WNT10B: variants seen among roughly 807,000 people sequenced by gnomAD.
The protein encoded by WNT10B is Wnt family member 10B.
A neutral mutation model predicts 32.7 loss-of-function variants in WNT10B; 26 were observed. The ratio of observed to expected loss-of-function variants is 0.79; its 90% CI spans 0.58 to 1.10. The LOEUF is 1.10. Ranked by LOEUF, WNT10B falls within the 50% of genes least tolerant of loss-of-function variation. The pLI is 0.00. For missense variants in WNT10B, 474 were observed against 532.5 expected, an observed-to-expected ratio of 0.89 and a Z score of 1.08; for synonymous variants, 204 against 220.4, an observed-to-expected ratio of 0.93 and a Z score of 0.66.
At chr12:48,967,389 C>T (rs1219435670) in intron 4 of WNT10B, among the ~76,000 whole-genome samples, 1 of 152,104 alleles carries the variant, frequency 6.6e-6, no homozygotes, top group African/African-American at 2.4e-5. Context: ...TGGTCTCGAT[C>T]TCCTCACCTC....
chr12:48,965,874 G>C lies in WNT10B; in HGVS notation c.*221C>G. 1 of 599,302 alleles carries C rather than the reference G, an allele frequency of 1.7e-6. No homozygotes were observed. The highest frequency in any genetic ancestry group is 2.8e-5 in the East Asian group (1 of 35,558). 37.1% of individuals were successfully genotyped at this position (599,302 alleles called of 1,614,324 possible). On this transcript the variant is annotated 3_prime_UTR_variant, in exon 5 of 5. Coordinates refer to ENST00000301061, the MANE Select transcript of WNT10B (RefSeq NM_003394.4). ...AGTCCATTCAGGTGTCTAAGGAGCA[G>C]AAGAGGGGTGGCAGCTTCCCCTCAA...
rs1940722099 is a variant in WNT10B, at chr12:48,965,923, G to A, written c.*172C>T. ...AAGACCCTCCAATTGTTGGGGAGAA[G>A]GCTACACATCCCAGAGTCCACCTGA... On this transcript the variant is annotated 3_prime_UTR_variant, in exon 5 of 5. Transcript: ENST00000301061. The A allele has an allele frequency of 1.4e-6, 1 of 732,514 alleles. No homozygotes were observed. The highest frequency in any genetic ancestry group is 2.5e-5 in the Admixed American group (1 of 40,466). 45.4% of individuals were successfully genotyped at this position (732,514 alleles called of 1,614,324 possible). A position where few individuals can be genotyped will look rare whatever the true frequency, so the allele number is the denominator to read the frequency against.
Position 48,970,643 on chromosome 12 carries a change from C to G in WNT10B, c.-40-74G>C. ...TGGGGAACCAAGTGACGCCCTTCTT[C>G]GGGCTCCTAACCCACCGGTGCCACC... On this transcript the variant is annotated intron_variant, in intron 1 of 4. Transcript: ENST00000301061. The surrounding 1 kb of genome is among the most constrained non-coding windows in gnomAD (Gnocchi z 5.0). 8.0e-7 allele frequency: 1 copy of G among 1,257,720 alleles called. No homozygotes were observed. Among genetic ancestry groups the G allele is most frequent in the Non-Finnish European group, 1.1e-6 (1 of 888,422 alleles). The allele number at this position is 1,257,720 out of a possible 1,614,324, so 77.9% of individuals were successfully genotyped here. A position where few individuals can be genotyped will look rare whatever the true frequency, so the allele number is the denominator to read the frequency against.
chr12:48,968,736 G>A (rs1176601528), intron 3 of WNT10B, among the ~76,000 whole-genome samples: 1 of 151,984 alleles, frequency 6.6e-6, no homozygotes, highest in Non-Finnish European at 1.5e-5. Flanking sequence ...CAACCCTGCA[G>A]GGAGCTTGGG....
At chr12:48,968,423 A>G in intron 3 of WNT10B, 104 bp from the exon 4 acceptor site, 2 of 1,528,170 alleles carry the variant, frequency 1.3e-6, no homozygotes, top group Admixed American at 1.9e-5. Context: ...AGAAATTCCT[A>G]ACTGAATCCT....
Position 48,966,214 on chromosome 12 carries a change from G to A in WNT10B, c.1051C>T (p.Arg351Cys), listed in dbSNP as rs1425744968. 6.2e-6 allele frequency: 10 copies of A among 1,613,876 alleles called. No individual in the cohort carries two copies. The highest frequency in any genetic ancestry group is 3.3e-5 in the South Asian group (3 of 91,082). Residue 351 changes from arginine to cysteine, a missense_variant, in exon 5 of 5, where the codon CGT (arginine) becomes TGT (cysteine). Physicochemically the swap from Arg to Cys is radical, Grantham distance 180 (BLOSUM62 -3). Coordinates refer to ENST00000301061, the MANE Select transcript of WNT10B (RefSeq NM_003394.4). The stretch of plus-strand genomic sequence containing the variant: ...GTCTGCCGGAGCACGTTGTGCCCAC[G>A]GCCACAGCACAGGCTGCCACAGCCA... Reference protein sequence around the residue: ...LDGCGSLCCGRGHNVLRQTRV... With the variant: ...LDGCGSLCCGCGHNVLRQTRV...
intron 3 of WNT10B, chr12:48,968,986 GGA>G (rs1940795775): frequency 4.5e-6 from 2 of 445,076 alleles, no homozygotes; most frequent in Non-Finnish European, 9.3e-6. Context: ...ACTGAGAGGA[GGA>G]GAGAGGTTGG....
rs1037380551 is a variant in WNT10B at position 48,970,501 on chromosome 12, G to T, written c.29C>A (p.Pro10Gln). 1 of 1,602,366 alleles carries T rather than the reference G, an allele frequency of 6.2e-7. No individual in the cohort carries two copies. The highest frequency in any genetic ancestry group is 2.2e-5 in the East Asian group (1 of 44,482). ...CAGGAGACCCGCGAGGCCCGAGGGC[G>T]GAGGCCGCGGCCGGGGCTCCTCCAG... MLEEPRPRP[P>Q]PSGLAGLLFL... The change falls in exon 2 of 5, where the codon CCG becomes CAG. Residue 10 changes from proline to glutamine, a missense_variant. Transcript: ENST00000301061. The surrounding 1 kb of genome is among the most constrained non-coding windows in gnomAD (Gnocchi z 5.0).
chr12:48,970,594 G>A lies in WNT10B; in HGVS notation c.-40-25C>T. 2.0e-6 allele frequency: 3 copies of A among 1,538,256 alleles called. No homozygotes were observed. Among genetic ancestry groups the A allele is most frequent in the Non-Finnish European group, 2.6e-6 (3 of 1,135,872 alleles). Reference sequence around the variant, plus strand: ...CCTGCGGGACGGGAGACTTGATGCGGGTTCAGGAATAGGGCGGCTCGCTTG... The same window carrying A: ...CCTGCGGGACGGGAGACTTGATGCGAGTTCAGGAATAGGGCGGCTCGCTTG... On this transcript the variant is annotated intron_variant, in intron 1 of 4. Transcript: ENST00000301061. The surrounding 1 kb of genome is among the most constrained non-coding windows in gnomAD (Gnocchi z 5.0).
chr12:48,965,972 T>C lies in WNT10B; in HGVS notation c.*123A>G, dbSNP rs1940722977. The C allele has an allele frequency of 8.2e-7, 1 of 1,222,972 alleles. No individual in the cohort carries two copies. Among genetic ancestry groups the C allele is most frequent in the African/African-American group, 1.5e-5 (1 of 67,116 alleles). 75.8% of individuals were successfully genotyped at this position (1,222,972 alleles called of 1,614,324 possible). On this transcript the variant is annotated 3_prime_UTR_variant, in exon 5 of 5. Coordinates refer to ENST00000301061, the MANE Select transcript of WNT10B (RefSeq NM_003394.4). ...GACCCCCACCACCCCTAAAGCTGTT[T>C]CCAGGTAGATACTTTAAGCTTCCAG...
intron 3 of WNT10B, 112 bp downstream of exon 3, chr12:48,969,977 G>T: frequency 7.8e-7 from 1 of 1,285,572 alleles, no homozygotes; most frequent in Middle Eastern, 2.9e-4. Flanking sequence ...GGGAATTCCA[G>T]GAGAGGCCCC....
At position 48,966,456 on chromosome 12, in the gene WNT10B, G is replaced by A. The variant is rs1940736159; in HGVS notation, c.809C>T (p.Ala270Val). 1 of 1,614,068 alleles carries A rather than the reference G, an allele frequency of 6.2e-7. No individual in the cohort carries two copies. Among genetic ancestry groups the A allele is most frequent in the Non-Finnish European group, 8.5e-7 (1 of 1,180,038 alleles). ...TCWRAAPEFRAVGAALRERLG... is the reference protein window; with the variant it reads ...TCWRAAPEFRVVGAALRERLG... ...CCGCTCCCTCAACGCCGCCCCCACTGCCCGGAACTCTGGGGCCGCCCTCCA... is the reference window on the plus strand; with the variant it reads ...CCGCTCCCTCAACGCCGCCCCCACTACCCGGAACTCTGGGGCCGCCCTCCA... The change falls in exon 5 of 5, where the codon GCA becomes GTA. Residue 270 changes from alanine (A) to valine (V), a missense_variant. Transcript: ENST00000301061.
In WNT10B at chr12:48,966,238, C is replaced by T. The variant is rs781051571; in HGVS notation, c.1027G>A (p.Gly343Ser). ...ACNKTSRLLD[G>S]CGSLCCGRGH... ...CGGCCACAGCACAGGCTGCCACAGCCATCCAACAGGCGGCTGGTCTTGTTG... is the reference window on the plus strand; with the variant it reads ...CGGCCACAGCACAGGCTGCCACAGCTATCCAACAGGCGGCTGGTCTTGTTG... The change falls in exon 5 of 5, where the codon GGC (glycine) becomes AGC (serine). Residue 343 changes from glycine to serine, a missense_variant. Physicochemically the swap from Gly to Ser is moderately conservative, Grantham distance 56. Transcript: ENST00000301061. The T allele has an allele frequency of 1.2e-6, 2 of 1,614,228 alleles. No homozygotes were observed. Among genetic ancestry groups the T allele is most frequent in the Non-Finnish European group, 1.7e-6 (2 of 1,180,048 alleles).
intron 3 of WNT10B, among the ~76,000 whole-genome samples, chr12:48,969,756 G>T (rs1450073300): frequency 1.3e-5 from 2 of 150,534 alleles, no homozygotes; most frequent in Non-Finnish European, 1.5e-5. Context: ...ATGGTGGAGG[G>T]AATAGGGGGG....
chr12:48,965,817 A>C lies in WNT10B; in HGVS notation c.*278T>G, dbSNP rs1940720263. 1.9e-5 allele frequency: 9 copies of C among 474,500 alleles called. No individual in the cohort carries two copies. In the East Asian group the frequency reaches 3.3e-4, roughly 17 times the overall value. 29.4% of individuals were successfully genotyped at this position (474,500 alleles called of 1,614,324 possible). A position where few individuals can be genotyped will look rare whatever the true frequency, so the allele number is the denominator to read the frequency against. Reference sequence around the variant, plus strand: ...GGTTAAAGGGGCTCTGGAGTTGAGAAGTGGGAGGAGCAATACAGTGCATTT... The same window carrying C: ...GGTTAAAGGGGCTCTGGAGTTGAGACGTGGGAGGAGCAATACAGTGCATTT... On this transcript the variant is annotated 3_prime_UTR_variant, in exon 5 of 5. Transcript: ENST00000301061.
At position 48,968,159 on chromosome 12, in the gene WNT10B, T is replaced by G. The variant is rs1240275441; in HGVS notation, c.498A>C (p.Ala166=). The G allele has an allele frequency of 6.2e-7, 1 of 1,614,206 alleles. No homozygotes were observed. Among genetic ancestry groups the G allele is most frequent in the Admixed American group, 1.7e-5 (1 of 60,038 alleles). Residue 166 remains alanine (A), a synonymous_variant, in exon 4 of 5, where the codon GCA becomes GCC. Transcript: ENST00000301061. ...RLRAKLLQLQ[A]LSRGKSFPHS... is the part of the protein sequence containing the mutation. Reference sequence around the variant, plus strand: ...GGGGGAAACTCTTGCCTCGGGACAGTGCCTGCAGCTGCAGCAGTTTGGCCC... The same window carrying G: ...GGGGGAAACTCTTGCCTCGGGACAGGGCCTGCAGCTGCAGCAGTTTGGCCC...
chr12:48,966,003 A>C lies in WNT10B; in HGVS notation c.*92T>G. On this transcript the variant is annotated 3_prime_UTR_variant, in exon 5 of 5. Coordinates refer to ENST00000301061, the MANE Select transcript of WNT10B (RefSeq NM_003394.4). ...TAGATACTTTAAGCTTCCAGGGACC[A>C]AGAGTGACCTTGGAAGGAAATCAGA... 1 of 1,495,958 alleles carries C rather than the reference A, an allele frequency of 6.7e-7. No individual in the cohort carries two copies. Among genetic ancestry groups the C allele is most frequent in the Non-Finnish European group, 9.1e-7 (1 of 1,094,330 alleles). 92.7% of individuals were successfully genotyped at this position (1,495,958 alleles called of 1,614,324 possible).
At chr12:48,967,732 G>A (rs551129886) in intron 4 of WNT10B, among the ~76,000 whole-genome samples, 2 of 152,256 alleles carry the variant, frequency 1.3e-5, no homozygotes, top group Non-Finnish European at 2.9e-5. Context: ...AATTATAGGC[G>A]TGAGCCACCA....
chr12:48,970,266 G>A lies in WNT10B; in HGVS notation c.160C>T (p.Leu54=). The A allele has an allele frequency of 6.2e-7, 1 of 1,613,440 alleles. No homozygotes were observed. Among genetic ancestry groups the A allele is most frequent in the Non-Finnish European group, 8.5e-7 (1 of 1,179,778 alleles). ...ANTVCLTLSG[L]SKRQLGLCLR... is the part of the protein sequence containing the mutation. ...CACAGGCCTAGCTGCCGCTTGCTCAGGCCGGACAGCGTCAAGCACACGGTG... is the reference window on the plus strand; with the variant it reads ...CACAGGCCTAGCTGCCGCTTGCTCAAGCCGGACAGCGTCAAGCACACGGTG... Residue 54 remains leucine (L), a synonymous_variant, in exon 3 of 5, where the codon CTG becomes TTG. Transcript: ENST00000301061. This position sits in a 1 kb window ranked among gnomAD's most constrained non-coding sequence, Gnocchi z 5.0.
Sources: allele counts gnomAD v4.1 joint callset (sites outside exome capture counted in the v4.1 genomes callset), GRCh38; gene constraint gnomAD v4.1.1; non-coding constraint Gnocchi (gnomAD v3.1); transcripts MANE v1.5; gene names NCBI Gene and HGNC (gene_info 2026-07-23, HGNC 2026-07-21).